The following OR6B1 variants were observed in gnomAD, a reference collection of about 807,000 sequenced individuals.
OR6B1 encodes olfactory receptor family 6 subfamily B member 1.
OR6B1 carries 15 observed loss-of-function variants against 15.4 expected under a neutral mutation model. That is an observed-to-expected ratio of 0.97 (90% CI 0.65 to 1.50). The LOEUF is 1.50. Among genes scored for constraint, OR6B1 ranks in the 40% most tolerant of loss-of-function variants. OR6B1 has a pLI of 0.00. For synonymous variants in OR6B1, 139 were observed against 144.9 expected (o/e 0.96, Z 0.29); for missense variants, 384 against 385.0 (o/e 1.00, Z 0.02).
chr7:144,004,386 C>T lies in OR6B1; in HGVS notation c.390C>T (p.Leu130=), dbSNP rs1284598465. 1 of 1,614,116 alleles carries T rather than the reference C, an allele frequency of 6.2e-7. No individual in the cohort carries two copies. The highest frequency in any genetic ancestry group is 1.3e-5 in the African/African-American group (1 of 74,942). ...GGTATGTGGCCATCTGTCGCCCACT[C>T]CACTACCCAACCATAATGAGCCATG... ...YDRYVAICRP[L]HYPTIMSHGL... is the part of the protein sequence containing the mutation. Residue 130 remains leucine, a synonymous_variant, in exon 2 of 2, where the codon CTC becomes CTT. Transcript: ENST00000641698.
intron 1 of OR6B1, among the ~76,000 whole-genome samples, chr7:144,001,066 C>T (rs2050582459): frequency 6.6e-6 from 1 of 152,164 alleles, no homozygotes; most frequent in Non-Finnish European, 1.5e-5. Context: ...TCATCAAATT[C>T]AAATTACTTG....
chr7:144,004,973 C>A lies in OR6B1; in HGVS notation c.*41C>A. ...TAGAAAGAAAGGTCTGAGTGGGTGCCTGTATGTCTTCCTCCATCCTTTCTC... is the reference window on the plus strand; with the variant it reads ...TAGAAAGAAAGGTCTGAGTGGGTGCATGTATGTCTTCCTCCATCCTTTCTC... On this transcript the variant is annotated 3_prime_UTR_variant, in exon 2 of 2. Transcript: ENST00000641698. The A allele has an allele frequency of 7.1e-7, 1 of 1,407,788 alleles. No individual in the cohort carries two copies. The highest frequency in any genetic ancestry group is 9.6e-7 in the Non-Finnish European group (1 of 1,038,504). 87.2% of individuals were successfully genotyped at this position (1,407,788 alleles called of 1,614,324 possible).
rs2050580323 is a variant in OR6B1, at chr7:144,000,668, G to T, written c.-26+18G>T. 1 of 152,614 alleles carries T rather than the reference G, an allele frequency of 6.6e-6. No individual in the cohort carries two copies. The highest frequency in any genetic ancestry group is 1.5e-5 in the Non-Finnish European group (1 of 68,048). 9.5% of individuals were successfully genotyped at this position (152,614 alleles called of 1,614,324 possible). A position where few individuals can be genotyped will look rare whatever the true frequency, so the allele number is the denominator to read the frequency against. On this transcript the variant is annotated intron_variant, in intron 1 of 1. Transcript: ENST00000641698. ...GTGCCAAGGTAAGTGCTCCCTCTCA[G>T]AGCATTACTTTCTCACTATGCAGGC...
intron 1 of OR6B1, among the ~76,000 whole-genome samples, chr7:144,003,386 G>A (rs1025660607): frequency 6.6e-6 from 1 of 152,118 alleles, no homozygotes; most frequent in Admixed American, 6.5e-5. Context: ...ATAGCAAATC[G>A]GTGGCAGACC....
chr7:144,004,512 T>C lies in OR6B1; in HGVS notation c.516T>C (p.Asn172=). The C allele has an allele frequency of 6.2e-7, 1 of 1,614,228 alleles. No homozygotes were observed. The highest frequency in any genetic ancestry group is 8.5e-7 in the Non-Finnish European group (1 of 1,180,048). The change falls in exon 2 of 2, where the codon AAT becomes AAC. Residue 172 remains asparagine, a synonymous_variant. Transcript: ENST00000641698. ...FISCLSFCGP[N]VINHFFCDIS... The stretch of plus-strand genomic sequence containing the variant: ...CCTGCCTCAGCTTCTGTGGTCCCAA[T>C]GTCATCAACCACTTCTTCTGTGACA...
chr7:144,004,456 G>A lies in OR6B1; in HGVS notation c.460G>A (p.Gly154Ser), dbSNP rs765247468. ...TCTTGGTTCCTGGGCCATTGGCTTT[G>A]GCATCTCCCTGGCGAAGATCTACTT... ...LALGSWAIGFGISLAKIYFIS... is the reference protein window; with the variant it reads ...LALGSWAIGFSISLAKIYFIS... The change falls in exon 2 of 2, where the codon GGC becomes AGC. Residue 154 changes from glycine (G) to serine (S), a missense_variant. By Grantham distance (56) the Gly-to-Ser change is moderately conservative. Coordinates refer to ENST00000641698, the MANE Select transcript of OR6B1 (RefSeq NM_001005281.3). 2 of 1,614,142 alleles carry A rather than the reference G, an allele frequency of 1.2e-6. No individual in the cohort carries two copies. Among genetic ancestry groups the A allele is most frequent in the Non-Finnish European group, 1.7e-6 (2 of 1,180,028 alleles).
In OR6B1 at chr7:144,005,090, T is replaced by C. The variant is rs928287896; in HGVS notation, c.*158T>C. 1.6e-6 allele frequency: 1 copy of C among 610,912 alleles called. No homozygotes were observed. Among genetic ancestry groups the C allele is most frequent in the Non-Finnish European group, 2.9e-6 (1 of 348,784 alleles). The allele number at this position is 610,912 out of a possible 1,614,324, so 37.8% of individuals were successfully genotyped here. ...GCGCTTGGGTATCTGCATCTGTGCATATGGTCAGTGCTCTAAGGCCATACA... is the reference window on the plus strand; with the variant it reads ...GCGCTTGGGTATCTGCATCTGTGCACATGGTCAGTGCTCTAAGGCCATACA... On this transcript the variant is annotated 3_prime_UTR_variant, in exon 2 of 2. Coordinates refer to ENST00000641698, the MANE Select transcript of OR6B1 (RefSeq NM_001005281.3).
chr7:144,004,728 G>C lies in OR6B1; in HGVS notation c.732G>C (p.Val244=), dbSNP rs1283922469. Residue 244 remains valine, a synonymous_variant, in exon 2 of 2, where the codon GTG becomes GTC. Coordinates refer to ENST00000641698, the MANE Select transcript of OR6B1 (RefSeq NM_001005281.3). The part of the protein sequence containing the change: ...KAFSTCASHL[V]VVTIFYSAII... Reference sequence around the variant, plus strand: ...TCTCCACTTGTGCCTCCCATCTTGTGGTGGTCACCATTTTCTATTCAGCCA... The same window carrying C: ...TCTCCACTTGTGCCTCCCATCTTGTCGTGGTCACCATTTTCTATTCAGCCA... 1.2e-6 allele frequency: 2 copies of C among 1,614,172 alleles called. No individual in the cohort carries two copies. Among genetic ancestry groups the C allele is most frequent in the Non-Finnish European group, 1.7e-6 (2 of 1,180,032 alleles).
chr7:144,002,248 A>C (rs183706756), intron 1 of OR6B1, among the ~76,000 whole-genome samples: 23 of 152,356 alleles, frequency 1.5e-4, no homozygotes, highest in African/African-American at 5.3e-4. Flanking sequence ...TTAGAATAGC[A>C]ATGTCTAATT....
chr7:144,001,274 A>G (rs1206228599), intron 1 of OR6B1, among the ~76,000 whole-genome samples: 1 of 152,262 alleles, frequency 6.6e-6, no homozygotes, highest in Non-Finnish European at 1.5e-5. Context: ...ACATAAAAAT[A>G]CCAGTATGCA....
rs2050611486 is a variant in OR6B1 at position 144,004,677 on chromosome 7, C to A, written c.681C>A (p.Cys227Ter). Residue 227 changes from cysteine (C) to a stop codon, truncating the protein, a stop_gained, in exon 2 of 2, where the codon TGC (cysteine) becomes TGA (stop). Coordinates refer to ENST00000641698, the MANE Select transcript of OR6B1 (RefSeq NM_001005281.3). LOFTEE classifies it high-confidence loss of function. ...SYGCILATIL[C>*]MPTGKQKAFS... Reference sequence around the variant, plus strand: ...GATGCATTCTGGCCACCATATTATGCATGCCCACAGGAAAGCAGAAAGCGT... The same window carrying A: ...GATGCATTCTGGCCACCATATTATGAATGCCCACAGGAAAGCAGAAAGCGT... The A allele has an allele frequency of 6.2e-7, 1 of 1,614,086 alleles. No homozygotes were observed. The highest frequency in any genetic ancestry group is 1.3e-5 in the African/African-American group (1 of 74,938).
Position 144,005,518 on chromosome 7 carries a change from CT to C in OR6B1, c.*587del, listed in dbSNP as rs933145050. The C allele has an allele frequency of 2.6e-5, 4 of 152,202 alleles. No homozygotes were observed. Among genetic ancestry groups the C allele is most frequent in the African/African-American group, 9.7e-5 (4 of 41,424 alleles). 9.4% of individuals were successfully genotyped at this position (152,202 alleles called of 1,614,324 possible). On this transcript the variant is annotated 3_prime_UTR_variant, in exon 2 of 2. Coordinates refer to ENST00000641698, the MANE Select transcript of OR6B1 (RefSeq NM_001005281.3). ...ACCTTACACAATTGTGTTTTGTCTTCTGATATAACTCACACAGTTGCCTTTT... is the reference window on the plus strand; with the variant it reads ...ACCTTACACAATTGTGTTTTGTCTTCGATATAACTCACACAGTTGCCTTTT...
At position 144,004,514 on chromosome 7, in the gene OR6B1, T is replaced by A. The variant is rs371657748; in HGVS notation, c.518T>A (p.Val173Asp). Residue 173 changes from valine (V) to aspartate (D), a missense_variant, in exon 2 of 2, where the codon GTC becomes GAC. Coordinates refer to ENST00000641698, the MANE Select transcript of OR6B1 (RefSeq NM_001005281.3). Reference protein sequence around the residue: ...ISCLSFCGPNVINHFFCDISP... With the variant: ...ISCLSFCGPNDINHFFCDISP... ...TGCCTCAGCTTCTGTGGTCCCAATGTCATCAACCACTTCTTCTGTGACATC... is the reference window on the plus strand; with the variant it reads ...TGCCTCAGCTTCTGTGGTCCCAATGACATCAACCACTTCTTCTGTGACATC... 2.5e-6 allele frequency: 4 copies of A among 1,614,218 alleles called. No individual in the cohort carries two copies. The highest frequency in any genetic ancestry group is 1.1e-5 in the South Asian group (1 of 91,086).
chr7:144,004,835 C>T lies in OR6B1; in HGVS notation c.839C>T (p.Thr280Ile), dbSNP rs757773737. 116 of 1,613,604 alleles carry T rather than the reference C, an allele frequency of 7.2e-5. 2 individuals carry two copies. The East Asian group carries it at 2.6e-3, about 36-fold the overall frequency. Residue 280 changes from threonine (T) to isoleucine (I), a missense_variant, in exon 2 of 2, where the codon ACT (threonine) becomes ATT (isoleucine). Thr to Ile is a moderately conservative substitution (Grantham distance 89). Transcript: ENST00000641698. ...KIISIFYAIV[T>I]PSLNPFIYCL... ...ATTTCCATCTTCTATGCCATTGTCA[C>T]TCCTTCTCTCAACCCTTTCATTTAT...
rs1469460636 is a variant in OR6B1 at position 144,005,957 on chromosome 7, G to T, written c.*1025G>T. The T allele has an allele frequency of 1.3e-5, 2 of 152,202 alleles. No homozygotes were observed. Among genetic ancestry groups the T allele is most frequent in the African/African-American group, 4.8e-5 (2 of 41,448 alleles). The allele number at this position is 152,202 out of a possible 1,614,324, so 9.4% of individuals were successfully genotyped here. ...GCTCTTGGTTCATAGTTTTGCCATTGGCAAAGGGAGATATATTTTTAAGCT... is the reference window on the plus strand; with the variant it reads ...GCTCTTGGTTCATAGTTTTGCCATTTGCAAAGGGAGATATATTTTTAAGCT... On this transcript the variant is annotated 3_prime_UTR_variant, in exon 2 of 2. Transcript: ENST00000641698.
Position 144,004,772 on chromosome 7 carries a change from G to T in OR6B1, c.776G>T (p.Arg259Leu). The change falls in exon 2 of 2, where the codon CGA (arginine) becomes CTA (leucine). Residue 259 changes from arginine (R) to leucine (L), a missense_variant. Transcript: ENST00000641698. Reference sequence around the variant, plus strand: ...TCAGCCATTATTTTCATGTATGCTCGACCTCGAGTTATCCATGCCTTCAAC... The same window carrying T: ...TCAGCCATTATTTTCATGTATGCTCTACCTCGAGTTATCCATGCCTTCAAC... The part of the protein sequence containing the change: ...FYSAIIFMYA[R>L]PRVIHAFNMN... 1 of 1,614,072 alleles carries T rather than the reference G, an allele frequency of 6.2e-7. No homozygotes were observed.
rs746224155 is a variant in OR6B1 at position 144,004,347 on chromosome 7, C to T, written c.351C>T (p.Ala117=). ...LMCTECVLLA[A]MAYDRYVAIC... Reference sequence around the variant, plus strand: ...GCACAGAATGTGTGCTTCTGGCCGCCATGGCCTATGACCGGTATGTGGCCA... The same window carrying T: ...GCACAGAATGTGTGCTTCTGGCCGCTATGGCCTATGACCGGTATGTGGCCA... Residue 117 remains alanine, a synonymous_variant, in exon 2 of 2, where the codon GCC becomes GCT. Transcript: ENST00000641698. 2.7e-5 allele frequency: 44 copies of T among 1,614,058 alleles called. No individual in the cohort carries two copies. Among genetic ancestry groups the T allele is most frequent in the Non-Finnish European group, 3.3e-5 (39 of 1,179,998 alleles).
chr7:144,007,685 T>C lies in OR6B1; in HGVS notation c.*2753T>C, dbSNP rs2050633285. Reference sequence around the variant, plus strand: ...AGCAGATAATACCTTTGTGTGTGTGTGTGTGTGTGTGTATACATATATATA... The same window carrying C: ...AGCAGATAATACCTTTGTGTGTGTGCGTGTGTGTGTGTATACATATATATA... On this transcript the variant is annotated 3_prime_UTR_variant, in exon 2 of 2. Transcript: ENST00000641698. 6.6e-6 allele frequency: 1 copy of C among 152,036 alleles called. No individual in the cohort carries two copies. The highest frequency in any genetic ancestry group is 1.5e-5 in the Non-Finnish European group (1 of 67,994). 9.4% of individuals were successfully genotyped at this position (152,036 alleles called of 1,614,324 possible). A position where few individuals can be genotyped will look rare whatever the true frequency, so the allele number is the denominator to read the frequency against.
rs2050629229 is a variant in OR6B1, at chr7:144,006,981, T to C, written c.*2049T>C. ...TAGATTAGGGTTTGCATGGGAAAAC[T>C]GTTTGGGAAGGCTATGCTCTCTGGA... On this transcript the variant is annotated 3_prime_UTR_variant, in exon 2 of 2. Transcript: ENST00000641698. 6.6e-6 allele frequency: 1 copy of C among 152,208 alleles called. No homozygotes were observed. Among genetic ancestry groups the C allele is most frequent in the Non-Finnish European group, 1.5e-5 (1 of 68,034 alleles). 9.4% of individuals were successfully genotyped at this position (152,208 alleles called of 1,614,324 possible). A position where few individuals can be genotyped will look rare whatever the true frequency, so the allele number is the denominator to read the frequency against.
Sources: gnomAD v4.1 joint callset for allele counts (sites outside exome capture counted in the v4.1 genomes callset) on GRCh38, gnomAD v4.1.1 for gene constraint, MANE v1.5 for transcripts, NCBI Gene and HGNC (gene_info 2026-07-23, HGNC 2026-07-21) for gene names.